The following CSGALNACT1 variants were observed in gnomAD, a reference collection of about 807,000 sequenced individuals.
The protein encoded by CSGALNACT1 is chondroitin sulfate N-acetylgalactosaminyltransferase 1.
Under a neutral mutation model 51.0 loss-of-function variants are expected in CSGALNACT1, and 52 were observed. The observed-to-expected ratio is 1.02, with a 90% CI of 0.82 to 1.29. The LOEUF is 1.29. CSGALNACT1 is among the 50% of genes most tolerant of loss of function. The pLI is 0.00. For missense variants in CSGALNACT1, 935 were observed against 679.2 expected, an observed-to-expected ratio of 1.38 and a Z score of -4.19; for synonymous variants, 341 against 254.4, an observed-to-expected ratio of 1.34 and a Z score of -3.24.
chr8:19,606,292 T>A (rs1259754811), upstream of CSGALNACT1, among the ~76,000 whole-genome samples: 1 of 152,220 alleles, frequency 6.6e-6, no homozygotes, highest in Non-Finnish European at 1.5e-5. Context: ...TAATGGTAAC[T>A]TTTTTATTTC....
chr8:19,586,787 C>T (rs2046751873), intron 3 of CSGALNACT1, among the ~76,000 whole-genome samples: 1 of 152,088 alleles, frequency 6.6e-6, no homozygotes, highest in African/African-American at 2.4e-5. Flanking sequence ...AACTGGGAAC[C>T]CAGAGGTTAA....
intron 4 of CSGALNACT1, among the ~76,000 whole-genome samples, chr8:19,464,242 A>C (rs1458653156): frequency 6.6e-6 from 1 of 152,134 alleles, no homozygotes; most frequent in Non-Finnish European, 1.5e-5. Context: ...GCTGGATAAC[A>C]AGAAGCATCT....
chr8:19,679,639 T>C (rs1396225082), intron 1 of CSGALNACT1, among the ~76,000 whole-genome samples: 2 of 152,096 alleles, frequency 1.3e-5, no homozygotes, highest in African/African-American at 4.8e-5. Flanking sequence ...CCTTTCAACC[T>C]GTGCACAAAG....
rs556301788 is a variant in CSGALNACT1, at chr8:19,561,558, CCT to C, written c.-297+29600_-297+29601del. Among the ~76,000 whole-genome samples, 506 of 152,332 alleles carry C rather than the reference CCT, an allele frequency of 3.3e-3. 6 individuals are homozygous for C. Among genetic ancestry groups the C allele is most frequent in the African/African-American group, 0.012 (487 of 41,580 alleles). ...AATTCAAATCTAACTGTGGCTTATA[CCT>C]GCTGCTAAAGGCGGCCTTGGCCTGT... On this transcript the variant is annotated intron_variant, in intron 3 of 9. Transcript: ENST00000454498.
rs550784850 is a variant in CSGALNACT1 at position 19,737,831 on chromosome 8, G to C, written c.-297+20019C>G. Among the ~76,000 whole-genome samples, 203 of 152,124 alleles carry C rather than the reference G, an allele frequency of 1.3e-3. 2 individuals carry two copies. Among genetic ancestry groups the C allele is most frequent in the Non-Finnish European group, 2.4e-3 (164 of 68,022 alleles). On this transcript the variant is annotated intron_variant, in intron 1 of 1. Coordinates refer to the CSGALNACT1 transcript ENST00000517494. ...AAATATTATGATTCTACTTATATGA[G>C]GTACTTAGAGTGGTCAAAATCATAA...
intron 6 of CSGALNACT1, among the ~76,000 whole-genome samples, chr8:19,423,015 A>G (rs1425371855): frequency 6.6e-6 from 1 of 152,152 alleles, no homozygotes; most frequent in Admixed American, 6.5e-5. Context: ...TAACTTTCAG[A>G]GCACAAACAC....
At chr8:19,430,917 CTA>C (rs1336559326) in intron 6 of CSGALNACT1, among the ~76,000 whole-genome samples, 7 of 151,978 alleles carry the variant, frequency 4.6e-5, no homozygotes, top group Non-Finnish European at 1.0e-4. Flanking sequence ...ACATTCATTT[CTA>C]TGTTTCTAAA....
chr8:19,613,205 T>C (rs2052538920), intron 1 of CSGALNACT1, among the ~76,000 whole-genome samples: 2 of 152,198 alleles, frequency 1.3e-5, no homozygotes, highest in South Asian at 4.1e-4. Flanking sequence ...TCTTTATTTC[T>C]ATTCTGTATT....
intron 1 of CSGALNACT1, among the ~76,000 whole-genome samples, chr8:19,642,892 G>C (rs955251553): frequency 2.0e-5 from 3 of 151,602 alleles, no homozygotes; most frequent in Admixed American, 1.3e-4. Context: ...GAAAAATCAA[G>C]TCAGATTTTT....
At chr8:19,437,193 C>A (rs567966101) in intron 6 of CSGALNACT1, among the ~76,000 whole-genome samples, 1 of 152,112 alleles carries the variant, frequency 6.6e-6, no homozygotes, top group African/African-American at 2.4e-5. Flanking sequence ...GACTGGAAGT[C>A]AGAAAGAGCT....
chr8:19,720,052 G>T (rs571922022), intron 1 of CSGALNACT1, among the ~76,000 whole-genome samples: 1 of 152,140 alleles, frequency 6.6e-6, no homozygotes, highest in Non-Finnish European at 1.5e-5. Context: ...TAATCACAGA[G>T]GTACAAGAGC....
intron 3 of CSGALNACT1, among the ~76,000 whole-genome samples, chr8:19,575,872 G>T (rs183073481): frequency 9.9e-5 from 15 of 152,116 alleles, no homozygotes; most frequent in Non-Finnish European, 4.4e-5. Context: ...ATAGGTTCAT[G>T]AGAGTTCATT....
Position 19,521,671 on chromosome 8 carries a change from A to C in CSGALNACT1, c.-296-15541T>G, listed in dbSNP as rs576741258. 5.9e-5 allele frequency among the ~76,000 whole-genome samples: 9 copies of C among 152,328 alleles called. No individual in the cohort carries two copies. The South Asian group carries it at 1.9e-3, about 32-fold the overall frequency. On this transcript the variant is annotated intron_variant, in intron 3 of 9. Coordinates refer to ENST00000454498, the Ensembl canonical transcript of CSGALNACT1. ...AGACTCCGTCTCCAAAAAAAATAAA[A>C]ACAAGAAGAAGAAGAATAGCGCCAG... is the stretch of plus-strand genomic sequence containing the variant.
At chr8:19,718,032 T>C (rs1286191377) in intron 1 of CSGALNACT1, among the ~76,000 whole-genome samples, 1 of 152,192 alleles carries the variant, frequency 6.6e-6, no homozygotes, top group Non-Finnish European at 1.5e-5. Flanking sequence ...GGCTGGGGCC[T>C]CTGCAGACTT....
intron 1 of CSGALNACT1, among the ~76,000 whole-genome samples, chr8:19,632,680 C>T (rs577656956): frequency 4.6e-5 from 7 of 152,172 alleles, no homozygotes; most frequent in Non-Finnish European, 1.0e-4. Flanking sequence ...CACATCTCAG[C>T]AGTGCTAAGA....
chr8:19,450,794 C>T (rs2063043873), intron 5 of CSGALNACT1, among the ~76,000 whole-genome samples: 1 of 151,840 alleles, frequency 6.6e-6, no homozygotes, highest in Admixed American at 6.6e-5. Flanking sequence ...TCCGTAGCCC[C>T]AGCTACTCAG....
At chr8:19,517,878 A>G (rs1386498435) in intron 3 of CSGALNACT1, among the ~76,000 whole-genome samples, 2 of 152,266 alleles carry the variant, frequency 1.3e-5, no homozygotes, top group African/African-American at 4.8e-5. Flanking sequence ...CAGCCAAACC[A>G]TATCACACTC....
chr8:19,585,578 T>C (rs544221678), intron 3 of CSGALNACT1, among the ~76,000 whole-genome samples: 2 of 152,320 alleles, frequency 1.3e-5, no homozygotes, highest in South Asian at 2.1e-4. Context: ...GTGGCTGTGA[T>C]ACACCCCTTT....
chr8:19,407,228 G>C (rs1007017970), intron 9 of CSGALNACT1, among the ~76,000 whole-genome samples: 1 of 151,950 alleles, frequency 6.6e-6, no homozygotes, highest in African/African-American at 2.4e-5. Flanking sequence ...TCCTTGGGGG[G>C]TTCTGTAGTC....
Sources: allele counts gnomAD v4.1 joint callset (sites outside exome capture counted in the v4.1 genomes callset), GRCh38; gene constraint gnomAD v4.1.1; transcripts MANE v1.5; gene names NCBI Gene and HGNC (gene_info 2026-07-23, HGNC 2026-07-21).